Variants in RLF observed in about 807,000 individuals in gnomAD.
The protein encoded by RLF is RLF zinc finger, also known as zinc finger protein Rlf.
A neutral mutation model predicts 162.9 loss-of-function variants in RLF; 7 were observed. That is an observed-to-expected ratio of 0.04 (90% CI 0.02 to 0.08). RLF has a LOEUF of 0.08. Among genes scored for constraint, RLF ranks in the 10% least tolerant of loss-of-function variants. RLF has a pLI of 1.00. For synonymous variants in RLF, 782 were observed against 791.5 expected (o/e 0.99, Z 0.20); for missense variants, 1,664 against 2,244.7 (o/e 0.74, Z 5.23).
Position 40,202,594 on chromosome 1 carries a change from A to G in RLF, c.790A>G (p.Asn264Asp). 1.3e-6 allele frequency: 2 copies of G among 1,535,756 alleles called. No homozygotes were observed. The highest frequency in any genetic ancestry group is 1.7e-6 in the Non-Finnish European group (2 of 1,152,510). ...CACATGTTTATGTTCTATGCTCCCT[A>G]ATGAAGATGCTATTAAGGAGGTGAG... ...YITCLCSMLP[N>D]EDAIKEIAKV... The change falls in exon 5 of 8, where the codon AAT becomes GAT. Residue 264 changes from asparagine (N) to aspartate (D), a missense_variant. Coordinates refer to ENST00000372771, the MANE Select transcript of RLF (RefSeq NM_012421.4).
intron 1 of RLF, among the ~76,000 whole-genome samples, chr1:40,178,680 G>T (rs919342142): frequency 6.7e-4 from 17 of 25,404 alleles, no homozygotes; most frequent in South Asian, 9.3e-4. Flanking sequence ...GGTCTTTTTT[G>T]TTTTGTGTTT....
intron 7 of RLF, 70 bp from the exon 8 acceptor site, chr1:40,235,722 C>T: frequency 3.5e-6 from 4 of 1,130,280 alleles, no homozygotes; most frequent in Non-Finnish European, 4.9e-6. Flanking sequence ...GCTAAAATTC[C>T]TTATCAGTGA....
intron 6 of RLF, among the ~76,000 whole-genome samples, chr1:40,225,544 A>G (rs1206109675): frequency 1.1e-4 from 16 of 139,986 alleles, no homozygotes; most frequent in Non-Finnish European, 2.1e-4. Context: ...GTGCCACTGC[A>G]CTGCAGCCTG....
chr1:40,202,401 A>AT lies in RLF; in HGVS notation c.608-5dup. 1 of 1,556,532 alleles carries AT rather than the reference A, an allele frequency of 6.4e-7. No individual in the cohort carries two copies. Among genetic ancestry groups the AT allele is most frequent in the South Asian group, 1.2e-5 (1 of 81,586 alleles). On this transcript the variant is annotated splice_polypyrimidine_tract_variant and intron_variant, in intron 4 of 7. Transcript: ENST00000372771. Reference sequence around the variant, plus strand: ...ATGTTGTCAAACTGTTTTATTTTTCATTTTTTCTAGTCAATAAATTGATTG... The same window carrying AT: ...ATGTTGTCAAACTGTTTTATTTTTCATTTTTTTCTAGTCAATAAATTGATTG...
intron 1 of RLF, among the ~76,000 whole-genome samples, chr1:40,184,184 C>T (rs765451769): frequency 6.6e-6 from 1 of 152,110 alleles, no homozygotes; most frequent in Non-Finnish European, 1.5e-5. Flanking sequence ...TGCTCATATT[C>T]CTGCTACCTC....
intron 1 of RLF, among the ~76,000 whole-genome samples, chr1:40,164,006 T>G (rs1642133023): frequency 1.3e-5 from 2 of 152,236 alleles, no homozygotes; most frequent in Admixed American, 1.3e-4. Flanking sequence ...GCTCTTGGTT[T>G]CACATTTGAA....
intron 1 of RLF, among the ~76,000 whole-genome samples, chr1:40,172,906 A>T (rs1480399665): frequency 1.3e-5 from 2 of 152,186 alleles, no homozygotes; most frequent in Non-Finnish European, 2.9e-5. Flanking sequence ...TTTGATGGAT[A>T]CTTGCCTACA....
chr1:40,224,600 T>TCC (rs199628172), intron 6 of RLF, among the ~76,000 whole-genome samples: 1 of 93,652 alleles, frequency 1.1e-5, no homozygotes, highest in African/African-American at 4.1e-5. Flanking sequence ...TTTTTTTTTT[T>TCC]CCCCTTCCAT....
At chr1:40,229,351 G>T (rs772876753) in intron 6 of RLF, among the ~76,000 whole-genome samples, 6 of 151,362 alleles carry the variant, frequency 4.0e-5, no homozygotes, top group African/African-American at 7.3e-5. Context: ...TAGGAAAGTA[G>T]CACTAGCCAA....
chr1:40,202,421 T>G lies in RLF; in HGVS notation c.617T>G (p.Leu206Trp). ...TTTTCATTTTTTCTAGTCAATAAATTGATTGCACAAGAAGGACCTTCCTTT... is the reference window on the plus strand; with the variant it reads ...TTTTCATTTTTTCTAGTCAATAAATGGATTGCACAAGAAGGACCTTCCTTT... Reference protein sequence around the residue: ...QPVETEEVNKLIAQEGPSFLQ... With the variant: ...QPVETEEVNKWIAQEGPSFLQ... The change falls in exon 5 of 8, where the codon TTG becomes TGG. Residue 206 changes from leucine (L) to tryptophan (W), a missense_variant. Physicochemically the swap from Leu to Trp is moderately conservative, Grantham distance 61. Transcript: ENST00000372771. 1 of 1,570,568 alleles carries G rather than the reference T, an allele frequency of 6.4e-7. No individual in the cohort carries two copies. The highest frequency in any genetic ancestry group is 8.6e-7 in the Non-Finnish European group (1 of 1,165,598).
chr1:40,235,055 A>T (rs1324438433), intron 7 of RLF, among the ~76,000 whole-genome samples: 52 of 105,462 alleles, frequency 4.9e-4, no homozygotes, highest in African/African-American at 1.6e-3. Flanking sequence ...GATAGAGAGA[A>T]TTTTTTTTTT....
At chr1:40,202,374 G>A in intron 4 of RLF, 38 bp from the exon 5 acceptor site, 1 of 1,300,806 alleles carries the variant, frequency 7.7e-7, no homozygotes, top group Non-Finnish European at 1.1e-6. Flanking sequence ...ATGTTATGTG[G>A]TATGTTGTCA....
chr1:40,199,405 A>T (rs1185235257), intron 4 of RLF, among the ~76,000 whole-genome samples: 1 of 152,226 alleles, frequency 6.6e-6, no homozygotes, highest in Admixed American at 6.5e-5. Flanking sequence ...GGTGAGTCTT[A>T]TCTGCATTTC....
chr1:40,236,898 C>T lies in RLF; in HGVS notation c.2196C>T (p.His732=), dbSNP rs16827078. 20,895 of 1,614,040 alleles carry T rather than the reference C, an allele frequency of 0.013. 1,325 individuals are homozygous for T. The African/African-American group carries it at 0.18, about 14-fold the overall frequency. The change falls in exon 8 of 8, where the codon CAC becomes CAT. Residue 732 remains histidine (H), a synonymous_variant. Transcript: ENST00000372771. This position sits in a 1 kb window ranked among gnomAD's most constrained non-coding sequence, Gnocchi z 7.7. ...TGTCTGCTTTTCACCTTCGAGAGCA[C>T]GAACAAGTGCATTGTGGGCCTCAGC... is the stretch of plus-strand genomic sequence containing the variant. ...HFMSAFHLRE[H]EQVHCGPQPY...
At chr1:40,208,420 G>A (rs1168179106) in intron 5 of RLF, among the ~76,000 whole-genome samples, 1 of 152,170 alleles carries the variant, frequency 6.6e-6, no homozygotes, top group Non-Finnish European at 1.5e-5. Context: ...CTTTCTACTT[G>A]AATCTTAAAT....
chr1:40,198,723 G>C (rs1444020231), intron 4 of RLF, among the ~76,000 whole-genome samples: 1 of 152,152 alleles, frequency 6.6e-6, no homozygotes, highest in Non-Finnish European at 1.5e-5. Context: ...AGAAGGCAAA[G>C]AAATGCGGCA....
At chr1:40,163,766 C>G (rs1292577881) in intron 1 of RLF, among the ~76,000 whole-genome samples, 1 of 152,134 alleles carries the variant, frequency 6.6e-6, no homozygotes, top group Non-Finnish European at 1.5e-5. Flanking sequence ...CCTTGGGTAA[C>G]CATGTCTGCA....
At position 40,238,760 on chromosome 1, in the gene RLF, G is replaced by C; in HGVS notation, c.4058G>C (p.Arg1353Thr). ...CLEKDKARTK[R>T]ELVKCKKIFA... ...GAGAAAGACAAAGCAAGAACCAAAA[G>C]GGAACTTGTCAAATGTAAAAAGATA... The change falls in exon 8 of 8, where the codon AGG becomes ACG. Residue 1353 changes from arginine to threonine, a missense_variant. Arg to Thr is a moderately conservative substitution (Grantham distance 71). This residue lies in a region of RLF where 33 missense variants were observed against 73.3 expected (regional missense o/e 0.45). Transcript: ENST00000372771. The surrounding 1 kb of genome is among the most constrained non-coding windows in gnomAD (Gnocchi z 5.2). 1 of 1,613,506 alleles carries C rather than the reference G, an allele frequency of 6.2e-7. No homozygotes were observed. Among genetic ancestry groups the C allele is most frequent in the Non-Finnish European group, 8.5e-7 (1 of 1,179,764 alleles).
chr1:40,189,309 C>G, intron 2 of RLF, 100 bp downstream of exon 2: 3 of 967,950 alleles, frequency 3.1e-6, no homozygotes, highest in Non-Finnish European at 4.7e-6. Flanking sequence ...TTCTTCAGAG[C>G]ACCATTAGAG....
Sources: gnomAD v4.1 joint callset for allele counts (sites outside exome capture counted in the v4.1 genomes callset) on GRCh38, gnomAD v4.1.1 for gene constraint, gnomAD v4.1.1 regional missense constraint, Gnocchi (gnomAD v3.1) non-coding constraint, MANE v1.5 for transcripts, NCBI Gene and HGNC (gene_info 2026-07-23, HGNC 2026-07-21) for gene names.